The following DOCK4 variants were observed in gnomAD, a reference collection of about 807,000 sequenced individuals.
The protein encoded by DOCK4 is dedicator of cytokinesis 4.
A neutral mutation model predicts 268.1 loss-of-function variants in DOCK4; 97 were observed. The observed-to-expected ratio is 0.36, with a 90% CI of 0.31 to 0.43. The LOEUF (loss-of-function observed/expected upper bound fraction) is 0.43. DOCK4 is among the 20% of genes least tolerant of loss of function. The probability of loss-of-function intolerance (pLI) is 1.00; values close to 1 mark genes in which losing one functional copy is unlikely to be tolerated. For missense variants in DOCK4, 2,145 were observed against 2,455.7 expected (o/e 0.87, Z 2.67); for synonymous variants, 954 against 887.2 (o/e 1.08, Z -1.34).
intron 1 of DOCK4, among the ~76,000 whole-genome samples, chr7:112,096,820 G>A (rs1480333611): frequency 6.6e-6 from 1 of 152,176 alleles, no homozygotes; most frequent in Non-Finnish European, 1.5e-5. Flanking sequence ...AGCCAGTATG[G>A]AGAAGGGCAA....
At chr7:111,771,833 C>G (rs925387065) in intron 36 of DOCK4, among the ~76,000 whole-genome samples, 1 of 152,196 alleles carries the variant, frequency 6.6e-6, no homozygotes, top group African/African-American at 2.4e-5. Flanking sequence ...CCTGCAAGAC[C>G]TTCTTTCCCC....
chr7:111,747,172 T>C, intron 43 of DOCK4, 95 bp downstream of exon 43: 1 of 1,188,208 alleles, frequency 8.4e-7, no homozygotes, highest in East Asian at 2.5e-5. Flanking sequence ...TATGTTTGCG[T>C]GCTGATATGG....
chr7:112,053,217 T>C (rs1805520718), intron 1 of DOCK4, among the ~76,000 whole-genome samples: 1 of 152,130 alleles, frequency 6.6e-6, no homozygotes, highest in Non-Finnish European at 1.5e-5. Context: ...ATGCAAGACC[T>C]TGGGGTGCTG....
At chr7:111,765,452 A>G (rs1797707560) in intron 38 of DOCK4, among the ~76,000 whole-genome samples, 2 of 152,184 alleles carry the variant, frequency 1.3e-5, no homozygotes, top group Admixed American at 1.3e-4. Context: ...CTTCACAACT[A>G]CTTAATTCTG....
intron 8 of DOCK4, among the ~76,000 whole-genome samples, chr7:111,961,771 G>A (rs6976232): frequency 2.0e-5 from 3 of 151,950 alleles, no homozygotes; most frequent in Non-Finnish European, 4.4e-5. Flanking sequence ...TATGAAAAAC[G>A]TAACTGTCAG....
intron 49 of DOCK4, among the ~76,000 whole-genome samples, chr7:111,738,021 TAC>T (rs1169629036): frequency 1.3e-5 from 2 of 152,342 alleles, no homozygotes; most frequent in Non-Finnish European, 2.9e-5. Flanking sequence ...CGGATGTGGC[TAC>T]AGACTTCTGC....
intron 1 of DOCK4, among the ~76,000 whole-genome samples, chr7:112,021,126 T>TC (rs1442215384): frequency 6.6e-6 from 1 of 152,182 alleles, no homozygotes; most frequent in African/African-American, 2.4e-5. Context: ...TTATGATTTT[T>TC]CTCTTCTAAA....
chr7:111,740,041 A>G (rs1795794987), intron 47 of DOCK4: 2 of 373,306 alleles, frequency 5.4e-6, no homozygotes, highest in South Asian at 1.8e-5. Flanking sequence ...ATACCTTTGG[A>G]AACTTTCTGA....
chr7:111,795,207 C>T (rs1443530810), intron 30 of DOCK4, among the ~76,000 whole-genome samples: 1 of 152,140 alleles, frequency 6.6e-6, no homozygotes, highest in African/African-American at 2.4e-5. Context: ...AGTGGCACTC[C>T]TGGTAGTCCC....
At chr7:111,823,679 AAACTT>A (rs1190698365) in intron 26 of DOCK4, among the ~76,000 whole-genome samples, 1 of 152,228 alleles carries the variant, frequency 6.6e-6, no homozygotes, top group African/African-American at 2.4e-5. Flanking sequence ...ATTAACTAGA[AAACTT>A]AAAGAGTTTT....
At chr7:111,834,865 C>T (rs1249394265) in intron 25 of DOCK4, among the ~76,000 whole-genome samples, 179 bp from the exon 26 acceptor site, 1 of 151,960 alleles carries the variant, frequency 6.6e-6, no homozygotes, top group Non-Finnish European at 1.5e-5. Flanking sequence ...CCAAAACTCC[C>T]TATGATGATT....
Position 111,895,321 on chromosome 7 carries a change from T to G in DOCK4, c.1587+291A>C, listed in dbSNP as rs573363136. Among the ~76,000 whole-genome samples, 169 of 152,338 alleles carry G rather than the reference T, an allele frequency of 1.1e-3. 2 individuals carry two copies. Among genetic ancestry groups the G allele is most frequent in the South Asian group, 6.4e-3 (31 of 4,830 alleles). ...AATGTAGTATTTAAAAAGTTATTTG[T>G]AAGGTTTACTTAACCCTATCACAGC... On this transcript the variant is annotated intron_variant, in intron 16 of 52. Coordinates refer to ENST00000428084, the MANE Select transcript of DOCK4 (RefSeq NM_001363540.2).
At chr7:112,032,633 T>C (rs1423549303) in intron 1 of DOCK4, among the ~76,000 whole-genome samples, 1 of 152,202 alleles carries the variant, frequency 6.6e-6, no homozygotes, top group Non-Finnish European at 1.5e-5. Context: ...GTGAACACCA[T>C]ATAGAACAGC....
intron 26 of DOCK4, among the ~76,000 whole-genome samples, chr7:111,827,234 T>A (rs1563557778): frequency 6.6e-6 from 1 of 152,224 alleles, no homozygotes; most frequent in African/African-American, 2.4e-5. Flanking sequence ...TTTAAGTATC[T>A]TACGCAAAAT....
chr7:111,911,594 T>C (rs1455933816), intron 13 of DOCK4, among the ~76,000 whole-genome samples: 1 of 152,108 alleles, frequency 6.6e-6, no homozygotes, highest in Admixed American at 6.5e-5. Flanking sequence ...CATTACAAGG[T>C]GGTACCGGAA....
In DOCK4 at chr7:111,863,496, T is replaced by C; in HGVS notation, c.2349A>G (p.Val783=). The C allele has an allele frequency of 6.2e-7, 1 of 1,613,924 alleles. No individual in the cohort carries two copies. The highest frequency in any genetic ancestry group is 8.5e-7 in the Non-Finnish European group (1 of 1,179,858). ...ELLKLFDVRE[V]ANLVQDTLGS... Reference sequence around the variant, plus strand: ...CCAGGGTGTCCTGGACCAAGTTGGCTACTTCCCGGACATCAAAGAGCTTCA... The same window carrying C: ...CCAGGGTGTCCTGGACCAAGTTGGCCACTTCCCGGACATCAAAGAGCTTCA... The change falls in exon 23 of 53, where the codon GTA becomes GTG. Residue 783 remains valine (V), a synonymous_variant. Transcript: ENST00000428084.
intron 2 of DOCK4, among the ~76,000 whole-genome samples, chr7:112,002,051 T>C (rs1004132767): frequency 3.3e-5 from 5 of 152,208 alleles, no homozygotes; most frequent in Non-Finnish European, 7.3e-5. Flanking sequence ...TAGAATTTTT[T>C]CAATGATTAA....
intron 1 of DOCK4, among the ~76,000 whole-genome samples, chr7:112,120,089 C>T (rs561039303): frequency 1.6e-4 from 25 of 152,118 alleles, no homozygotes; most frequent in Admixed American, 2.6e-4. Flanking sequence ...CCTAGTGATC[C>T]GCCCGCCTCG....
At chr7:112,017,174 G>C (rs1801881988) in intron 1 of DOCK4, among the ~76,000 whole-genome samples, 2 of 152,144 alleles carry the variant, frequency 1.3e-5, no homozygotes. Flanking sequence ...AGGACTTACT[G>C]ATATTCACAG....
Sources: allele counts gnomAD v4.1 joint callset (sites outside exome capture counted in the v4.1 genomes callset), GRCh38; gene constraint gnomAD v4.1.1; transcripts MANE v1.5; gene names NCBI Gene and HGNC (gene_info 2026-07-23, HGNC 2026-07-21).